Variants in ZNF106 observed in about 807,000 individuals in gnomAD.
ZNF106 encodes the protein SH3-domain binding protein 3.
A neutral mutation model predicts 195.1 loss-of-function variants in ZNF106; 67 were observed. That is an observed-to-expected ratio of 0.34 (90% CI 0.28 to 0.42). The LOEUF (loss-of-function observed/expected upper bound fraction) is 0.42, where lower values mean the gene tolerates loss of function less well. Ranked by LOEUF, ZNF106 falls within the 10% of genes least tolerant of loss-of-function variation. ZNF106 has a pLI of 1.00. For synonymous variants in ZNF106, 784 were observed against 818.6 expected (o/e 0.96, Z 0.72); for missense variants, 2,118 against 2,304.5 (o/e 0.92, Z 1.66).
chr15:42,422,924 T>C (rs146730817), intron 17 of ZNF106, among the ~76,000 whole-genome samples: 209 of 152,266 alleles, frequency 1.4e-3, no homozygotes, highest in Middle Eastern at 6.8e-3. Flanking sequence ...CCAAGTACTT[T>C]CACTTTTTTC....
chr15:42,473,879 C>G (rs1185723391), intron 1 of ZNF106, among the ~76,000 whole-genome samples: 1 of 152,158 alleles, frequency 6.6e-6, no homozygotes, highest in East Asian at 1.9e-4. Flanking sequence ...ACTTAAGAGG[C>G]TGGGCTTTCA....
intron 2 of ZNF106, among the ~76,000 whole-genome samples, chr15:42,469,092 GGAGGATCACTTGAACCCAGGA>G (rs1481122440): frequency 1.3e-5 from 2 of 152,080 alleles, no homozygotes; most frequent in Non-Finnish European, 2.9e-5. Flanking sequence ...GGCTGAAGCA[GGAGGATCACTTGAACCCAGGA>G]GGTGGAGGTT....
At chr15:42,487,887 TC>T (rs1408762363) in intron 1 of ZNF106, among the ~76,000 whole-genome samples, 1 of 152,152 alleles carries the variant, frequency 6.6e-6, no homozygotes, top group Non-Finnish European at 1.5e-5. Context: ...TATATGGTTG[TC>T]CCTCGATATC....
intron 6 of ZNF106, among the ~76,000 whole-genome samples, chr15:42,447,613 T>C (rs1252882199): frequency 6.6e-6 from 1 of 152,220 alleles, no homozygotes; most frequent in Non-Finnish European, 1.5e-5. Flanking sequence ...AATATTTCTA[T>C]ACTCTGCTCA....
chr15:42,481,777 G>A (rs1338885824), intron 1 of ZNF106, among the ~76,000 whole-genome samples: 4 of 152,064 alleles, frequency 2.6e-5, no homozygotes, highest in East Asian at 1.9e-4. Context: ...CTGATGATTC[G>A]TCAGTGGTAA....
In ZNF106 at chr15:42,450,517, A is replaced by G. The variant is rs2055966990; in HGVS notation, c.1755T>C (p.Tyr585=). The change falls in exon 5 of 22, where the codon TAT becomes TAC. Residue 585 remains tyrosine, a synonymous_variant. Coordinates refer to ENST00000564754, the MANE Select transcript of ZNF106 (RefSeq NM_001366845.3). The stretch of plus-strand genomic sequence containing the variant: ...CTTCTACATTTCTACTTGCTTTTGC[A>G]TAGTTCCTGGTACTTTTAGAAGTGC... ...LLSTSKSTRN[Y]AKASRNVEES... The G allele has an allele frequency of 6.2e-7, 1 of 1,614,136 alleles. No homozygotes were observed. Among genetic ancestry groups the G allele is most frequent in the South Asian group, 1.1e-5 (1 of 91,072 alleles).
chr15:42,484,052 C>A (rs1029717911), intron 1 of ZNF106, among the ~76,000 whole-genome samples: 7 of 152,150 alleles, frequency 4.6e-5, no homozygotes, highest in African/African-American at 1.7e-4. Context: ...TCAGACCCAA[C>A]TTTTTTCCTA....
At chr15:42,423,569 G>A (rs2054746731) in intron 17 of ZNF106, among the ~76,000 whole-genome samples, 4 of 152,024 alleles carry the variant, frequency 2.6e-5, no homozygotes, top group Admixed American at 1.3e-4. Context: ...TTTAAGAGAT[G>A]GGGCCACTAT....
At chr15:42,442,721 A>G (rs567206744) in intron 9 of ZNF106, among the ~76,000 whole-genome samples, 1 of 151,510 alleles carries the variant, frequency 6.6e-6, no homozygotes, top group East Asian at 1.9e-4. Flanking sequence ...GACTCAAGCA[A>G]TTCTCCTGCC....
intron 2 of ZNF106, among the ~76,000 whole-genome samples, chr15:42,472,034 G>C (rs2141422485): frequency 6.6e-6 from 1 of 152,210 alleles, no homozygotes; most frequent in Non-Finnish European, 1.5e-5. Flanking sequence ...AATAATACAG[G>C]TACTGGCTTT....
intron 19 of ZNF106, among the ~76,000 whole-genome samples, chr15:42,421,524 T>TA (rs965582918): frequency 3.3e-5 from 5 of 151,852 alleles, no homozygotes; most frequent in African/African-American, 7.3e-5. Flanking sequence ...AACTTAAAAA[T>TA]AAAAAAAACA....
rs1162999546 is a variant in ZNF106, at chr15:42,418,532, AT to A, written c.5518-582del. On this transcript the variant is annotated intron_variant, in intron 20 of 21. Transcript: ENST00000564754. ...AGGCGTGCACCACCACGGCCAGTTAATTTTTTTTTTTTTTTTTTTTTTTTTT... is the reference window on the plus strand; with the variant it reads ...AGGCGTGCACCACCACGGCCAGTTAATTTTTTTTTTTTTTTTTTTTTTTTT... Among the ~76,000 whole-genome samples the A allele has an allele frequency of 6.9e-4, 66 of 96,242 alleles. 1 individual carries two copies. The highest frequency in any genetic ancestry group is 5.3e-3 in the East Asian group (20 of 3,782). 63.1% of individuals were successfully genotyped at this position (96,242 alleles called of 152,430 possible).
intron 5 of ZNF106, among the ~76,000 whole-genome samples, 159 bp downstream of exon 5, chr15:42,449,612 G>A (rs1038572209): frequency 6.6e-6 from 1 of 152,140 alleles, no homozygotes; most frequent in South Asian, 2.1e-4. Flanking sequence ...ATCTGTCATA[G>A]AGTATCAGTC....
At chr15:42,486,655 T>G (rs1169711541) in intron 1 of ZNF106, among the ~76,000 whole-genome samples, 1 of 151,966 alleles carries the variant, frequency 6.6e-6, no homozygotes, top group Non-Finnish European at 1.5e-5. Context: ...GATGTTCTTG[T>G]GACCAGAAAT....
intron 16 of ZNF106, 194 bp downstream of exon 16, chr15:42,424,640 C>T (rs147294446): frequency 5.6e-5 from 31 of 550,230 alleles, no homozygotes; most frequent in Non-Finnish European, 7.4e-5. Flanking sequence ...CACAACATCC[C>T]GCTAATTTTT....
At chr15:42,465,999 A>G (rs1022096018) in intron 3 of ZNF106, 54 bp downstream of exon 3, 9 of 1,407,966 alleles carry the variant, frequency 6.4e-6, no homozygotes, top group African/African-American at 5.7e-5. Context: ...AGGCACCATC[A>G]TCACTCAGAT....
rs1343878492 is a variant in ZNF106 at position 42,418,266 on chromosome 15, GTATTTTTTGATGTTGCC to G, written c.5518-332_5518-316del. Reference sequence around the variant, plus strand: ...ATTACCATGAAATTCTGTTTAAACTGTATTTTTTGATGTTGCCATCATAAAATTGAGTTTCTATCTTA... The same window carrying G: ...ATTACCATGAAATTCTGTTTAAACTGATCATAAAATTGAGTTTCTATCTTA... On this transcript the variant is annotated intron_variant, in intron 20 of 21. Coordinates refer to ENST00000564754, the MANE Select transcript of ZNF106 (RefSeq NM_001366845.3). Among the ~76,000 whole-genome samples, 3 of 151,560 alleles carry G rather than the reference GTATTTTTTGATGTTGCC, an allele frequency of 2.0e-5. No individual in the cohort carries two copies. In the East Asian group the frequency reaches 5.8e-4, roughly 29 times the overall value.
intron 3 of ZNF106, among the ~76,000 whole-genome samples, chr15:42,460,969 C>CA (rs59911411): frequency 0.075 from 11,316 of 150,766 alleles, 812 homozygotes; most frequent in Admixed American, 0.16. Context: ...CAAGAAACTT[C>CA]AAAAAAAAAC....
rs1160004785 is a variant in ZNF106 at position 42,451,749 on chromosome 15, T to G, written c.523A>C (p.Arg175=). The G allele has an allele frequency of 6.2e-7, 1 of 1,614,242 alleles. No homozygotes were observed. Among genetic ancestry groups the G allele is most frequent in the East Asian group, 2.2e-5 (1 of 44,888 alleles). Residue 175 remains arginine, a synonymous_variant, in exon 5 of 22, where the codon AGG becomes CGG. Coordinates refer to ENST00000564754, the MANE Select transcript of ZNF106 (RefSeq NM_001366845.3). ...CGTCCTCTTGGTCCACCACCATTCC[T>G]CAAAGAATGTGGAAAGCTGTTTTTC... is the stretch of plus-strand genomic sequence containing the variant. ...TRKNSFPHSL[R]NGGGPRGRSG...
Sources: allele counts gnomAD v4.1 joint callset (sites outside exome capture counted in the v4.1 genomes callset), GRCh38; gene constraint gnomAD v4.1.1; transcripts MANE v1.5; gene names NCBI Gene and HGNC (gene_info 2026-07-23, HGNC 2026-07-21).